The following CEP63 variants were observed in gnomAD, a reference collection of about 807,000 sequenced individuals.
The protein encoded by CEP63 is centrosomal protein of 63 kDa.
In CEP63, 84 loss-of-function variants were observed where a neutral mutation model predicts 89.1. That is an observed-to-expected ratio of 0.94 (90% confidence interval 0.79 to 1.13). The LOEUF (loss-of-function observed/expected upper bound fraction) is 1.13. Ranked by LOEUF, CEP63 falls within the 50% of genes most tolerant of loss-of-function variation. CEP63 has a pLI of 0.00. For synonymous variants in CEP63, 267 were observed against 272.5 expected, an observed-to-expected ratio of 0.98 and a Z score of 0.20; for missense variants, 838 against 813.3, an observed-to-expected ratio of 1.03 and a Z score of -0.37.
the CEP63 span, among the ~76,000 whole-genome samples, chr3:134,738,128 A>T: frequency 3.3e-4 from 50 of 152,318 alleles, 1 homozygote; most frequent in Middle Eastern, 0.014. Flanking sequence ...GATGGCAAAA[A>T]TTAAAAAGAA....
At chr3:134,637,002 A>G in the CEP63 span, among the ~76,000 whole-genome samples, 1 of 152,284 alleles carries the variant, frequency 6.6e-6, no homozygotes, top group East Asian at 1.9e-4. Flanking sequence ...ATTATTTTTC[A>G]TAGAATAACA....
At chr3:134,777,431 A>G in the CEP63 span, among the ~76,000 whole-genome samples, 9 of 152,142 alleles carry the variant, frequency 5.9e-5, no homozygotes, top group African/African-American at 2.2e-4. Flanking sequence ...CTTTTGAGCA[A>G]AATATATACT....
At chr3:134,651,974 C>T in the CEP63 span, among the ~76,000 whole-genome samples, 5 of 152,166 alleles carry the variant, frequency 3.3e-5, no homozygotes, top group Non-Finnish European at 5.9e-5. Flanking sequence ...AATGCACCCC[C>T]ACATGGAGGC....
At chr3:134,529,221 T>C (rs1949354085) in intron 3 of CEP63, among the ~76,000 whole-genome samples, 1 of 152,172 alleles carries the variant, frequency 6.6e-6, no homozygotes, top group Non-Finnish European at 1.5e-5. Flanking sequence ...TAATACAGCT[T>C]AATGTTTGCA....
intron 1 of CEP63, 82 bp downstream of exon 1, chr3:134,486,284 G>C: frequency 2.0e-6 from 2 of 985,604 alleles, no homozygotes; most frequent in South Asian, 9.4e-5. Flanking sequence ...AGGGGCTGCC[G>C]TGTCCTGGTC....
intron 6 of CEP63, 34 bp from the exon 7 acceptor site, chr3:134,545,552 C>T (rs1333143172): frequency 6.3e-6 from 9 of 1,425,316 alleles, no homozygotes; most frequent in Non-Finnish European, 7.9e-6. Context: ...TATCATTTCC[C>T]TTTTACCTAT....
In CEP63 at chr3:134,495,278, T is replaced by C. The variant is rs996328126; in HGVS notation, c.-25-18T>C. On this transcript the variant is annotated intron_variant, in intron 1 of 14. Coordinates refer to ENST00000675561, the MANE Select transcript of CEP63 (RefSeq NM_001353108.3). ...AAGAAATGAATTGTCTCATGACTGA[T>C]ATTTTTTTCTTTGTCAGTTGCCAAA... The C allele has an allele frequency of 9.6e-6, 15 of 1,568,014 alleles. No individual in the cohort carries two copies. The highest frequency in any genetic ancestry group is 1.2e-5 in the Non-Finnish European group (14 of 1,138,400).
the CEP63 span, among the ~76,000 whole-genome samples, chr3:134,700,962 C>T: frequency 6.6e-6 from 1 of 152,040 alleles, no homozygotes; most frequent in Non-Finnish European, 1.5e-5. Flanking sequence ...ACATTTCGCT[C>T]ATGCATCTTG....
the CEP63 span, among the ~76,000 whole-genome samples, chr3:134,645,679 C>G: frequency 6.6e-6 from 1 of 152,186 alleles, no homozygotes; most frequent in African/African-American, 2.4e-5. Context: ...TTTCTGGGCT[C>G]AGGGCCTCTG....
chr3:134,650,966 C>A, the CEP63 span: 4 of 1,613,026 alleles, frequency 2.5e-6, no homozygotes, highest in Non-Finnish European at 3.4e-6. Context: ...TCCATGATGC[C>A]GCCTCCTTTC....
chr3:134,548,816 G>A (rs1482733412), intron 9 of CEP63, among the ~76,000 whole-genome samples: 1 of 152,040 alleles, frequency 6.6e-6, no homozygotes, highest in Non-Finnish European at 1.5e-5. Context: ...TGTTATTATT[G>A]AAGTATATGT....
rs1290574190 is a variant in CEP63, at chr3:134,544,632, TA to T, written c.556-953del. On this transcript the variant is annotated intron_variant, in intron 6 of 14. Coordinates refer to ENST00000675561, the MANE Select transcript of CEP63 (RefSeq NM_001353108.3). ...AAAACAGAATAATTACAACATGCTC[TA>T]GGTGGGGGGGGGAATTTAAACTACA... 3.4e-3 allele frequency among the ~76,000 whole-genome samples: 276 copies of T among 80,074 alleles called. 3 individuals are homozygous for T. The highest frequency in any genetic ancestry group is 9.8e-3 in the African/African-American group (248 of 25,202). 52.5% of individuals were successfully genotyped at this position (80,074 alleles called of 152,430 possible).
chr3:134,682,188 A>G, the CEP63 span, among the ~76,000 whole-genome samples: 59,571 of 152,108 alleles, frequency 0.39, 12,162 homozygotes, highest in East Asian at 0.66. Flanking sequence ...TGAGCCATCA[A>G]TTGGTTTCAT....
chr3:134,663,929 C>T, the CEP63 span, among the ~76,000 whole-genome samples: 1 of 152,224 alleles, frequency 6.6e-6, no homozygotes, highest in Non-Finnish European at 1.5e-5. Context: ...GTCCTCCCTA[C>T]AGCCAGAAGG....
At chr3:134,738,249 T>TACGCAC in the CEP63 span, among the ~76,000 whole-genome samples, 3 of 145,596 alleles carry the variant, frequency 2.1e-5, no homozygotes, top group Admixed American at 2.0e-4. Flanking sequence ...TATTCCATCA[T>TACGCAC]ACACACACAC....
chr3:134,610,153 TC>T, the CEP63 span: 1 of 1,579,704 alleles, frequency 6.3e-7, no homozygotes, highest in Admixed American at 1.7e-5. Context: ...ATCCTCCACT[TC>T]CACCTGCCAG....
chr3:134,604,159 G>C, the CEP63 span: 1 of 1,608,984 alleles, frequency 6.2e-7, no homozygotes, highest in African/African-American at 1.3e-5. Flanking sequence ...GATAGGGTCA[G>C]GGTGGGAGGG....
In CEP63 at chr3:134,564,896, A is replaced by C. The variant is rs1957679241; in HGVS notation, c.*3361A>C. On this transcript the variant is annotated 3_prime_UTR_variant, in exon 15 of 15. Transcript: ENST00000675561. ...GGTACTATGTATTTCCTTAAATTAT[A>C]CTGTTTTTTAAAGCTGAAGTATCTA... is the stretch of plus-strand genomic sequence containing the variant. 1.0e-6 allele frequency: 1 copy of C among 984,734 alleles called. No homozygotes were observed. The allele number at this position is 984,734 out of a possible 1,614,324, so 61.0% of individuals were successfully genotyped here. A position where few individuals can be genotyped will look rare whatever the true frequency, so the allele number is the denominator to read the frequency against.
At chr3:134,709,892 A>C in the CEP63 span, among the ~76,000 whole-genome samples, 1 of 152,194 alleles carries the variant, frequency 6.6e-6, no homozygotes, top group African/African-American at 2.4e-5. Flanking sequence ...ATGGCAGAAA[A>C]ATGAACAATC....
Sources: gnomAD v4.1 joint callset for allele counts (sites outside exome capture counted in the v4.1 genomes callset) on GRCh38, gnomAD v4.1.1 for gene constraint, MANE v1.5 for transcripts, NCBI Gene and HGNC (gene_info 2026-07-23, HGNC 2026-07-21) for gene names.